The following PDE4D variants were observed in gnomAD, a reference collection of about 807,000 sequenced individuals.
PDE4D encodes the protein phosphodiesterase 4D, also known as 3',5'-cyclic-AMP phosphodiesterase 4D.
In PDE4D, 24 loss-of-function variants were observed where a neutral mutation model predicts 87.4. That is an observed-to-expected ratio of 0.27 (90% confidence interval 0.20 to 0.39). The LOEUF is 0.39. PDE4D is among the 10% of genes least tolerant of loss of function. The pLI is 1.00. For synonymous variants in PDE4D, 384 were observed against 383.2 expected, an observed-to-expected ratio of 1.00 and a Z score of -0.02; for missense variants, 714 against 1,041.0, an observed-to-expected ratio of 0.69 and a Z score of 4.32.
chr5:59,997,529 G>C (rs1763625265), intron 2 of PDE4D, among the ~76,000 whole-genome samples: 1 of 152,130 alleles, frequency 6.6e-6, no homozygotes, highest in South Asian at 2.1e-4. Context: ...ATGATAAACT[G>C]GGTATGTAAA....
At chr5:59,631,849 G>GGAGT (rs149729812) in intron 1 of PDE4D, among the ~76,000 whole-genome samples, 12 of 150,344 alleles carry the variant, frequency 8.0e-5, no homozygotes, top group South Asian at 2.1e-4. Context: ...GCTAGCTGCA[G>GGAGT]TTTTTTTTTC....
chr5:60,097,758 T>G (rs1205980876), intron 2 of PDE4D, among the ~76,000 whole-genome samples: 2 of 151,986 alleles, frequency 1.3e-5, no homozygotes, highest in African/African-American at 4.8e-5. Flanking sequence ...TGCATGTGTG[T>G]GAGTGTTAAA....
chr5:59,473,234 C>T lies in PDE4D; in HGVS notation c.456-257266G>A, dbSNP rs568880850. On this transcript the variant is annotated intron_variant, in intron 1 of 14. Coordinates refer to ENST00000340635, the MANE Select transcript of PDE4D (RefSeq NM_001104631.2). ...GTAAACCAAAATACTCTCATAGTTT[C>T]AACTATACTAATGCCTCTCAAATAT... Among the ~76,000 whole-genome samples, 12 of 152,154 alleles carry T rather than the reference C, an allele frequency of 7.9e-5. No homozygotes were observed. In the South Asian group the frequency reaches 2.3e-3, roughly 29 times the overall value.
chr5:59,097,141 G>A (rs1769876862), intron 5 of PDE4D, among the ~76,000 whole-genome samples: 1 of 152,136 alleles, frequency 6.6e-6, no homozygotes, highest in South Asian at 2.1e-4. Flanking sequence ...CAAATGACAA[G>A]GATTGTGATC....
intron 1 of PDE4D, among the ~76,000 whole-genome samples, chr5:59,702,407 T>A (rs1299380336): frequency 6.6e-6 from 1 of 152,130 alleles, no homozygotes; most frequent in Non-Finnish European, 1.5e-5. Flanking sequence ...ATTACAGGTG[T>A]GAGCCACTGC....
chr5:60,260,126 A>G (rs967003976), intron 1 of PDE4D, among the ~76,000 whole-genome samples: 1 of 151,772 alleles, frequency 6.6e-6, no homozygotes, highest in Non-Finnish European at 1.5e-5. Flanking sequence ...CCTCCCAACC[A>G]CCACCACCTA....
chr5:59,445,106 C>G (rs886731400), intron 1 of PDE4D, among the ~76,000 whole-genome samples: 1 of 152,114 alleles, frequency 6.6e-6, no homozygotes, highest in African/African-American at 2.4e-5. Flanking sequence ...ACTTACCTAC[C>G]AGGAACTATT....
rs377587676 is a variant in PDE4D at position 60,173,561 on chromosome 5, A to G, written c.42+11996T>C. Among the ~76,000 whole-genome samples the G allele has an allele frequency of 1.9e-4, 28 of 151,024 alleles. No homozygotes were observed. The South Asian group carries it at 5.2e-3, about 28-fold the overall frequency. On this transcript the variant is annotated intron_variant, in intron 2 of 16. Coordinates refer to the PDE4D transcript ENST00000502484. ...GAATGATGGCTGTAACAGAAATTAC[A>G]CACACACACACACACAATCAGATCC...
At chr5:59,851,794 G>C (rs762741639) in intron 1 of PDE4D, among the ~76,000 whole-genome samples, 45 of 151,910 alleles carry the variant, frequency 3.0e-4, no homozygotes, top group Non-Finnish European at 5.7e-4. Context: ...CAGAATGGCA[G>C]GTGGTCTCTA....
At chr5:59,575,654 T>C (rs1189204088) in intron 1 of PDE4D, among the ~76,000 whole-genome samples, 2 of 152,162 alleles carry the variant, frequency 1.3e-5, no homozygotes, top group South Asian at 2.1e-4. Context: ...ACATGGGCTA[T>C]ATCCTAAAAA....
intron 1 of PDE4D, among the ~76,000 whole-genome samples, chr5:59,569,365 A>G (rs1395781768): frequency 6.6e-6 from 1 of 152,236 alleles, no homozygotes; most frequent in East Asian, 1.9e-4. Flanking sequence ...GCATGGTTGC[A>G]TCTTTCAAGA....
At chr5:60,458,336 G>A (rs1328259602) in intron 1 of PDE4D, among the ~76,000 whole-genome samples, 1 of 137,700 alleles carries the variant, frequency 7.3e-6, no homozygotes, top group African/African-American at 2.8e-5. Flanking sequence ...GCAGTGAGCC[G>A]AGATGACACC....
intron 1 of PDE4D, among the ~76,000 whole-genome samples, chr5:60,275,677 G>C (rs1400764825): frequency 6.6e-6 from 1 of 151,662 alleles, no homozygotes. Context: ...TGTGTGCTTT[G>C]GGTTTAATTT....
At chr5:59,485,841 G>C (rs991360611) in intron 1 of PDE4D, among the ~76,000 whole-genome samples, 1 of 152,046 alleles carries the variant, frequency 6.6e-6, no homozygotes, top group Admixed American at 6.6e-5. Context: ...GCTCCCTGAC[G>C]TCAATTCAGA....
chr5:60,102,578 A>C (rs1245262641), intron 2 of PDE4D, among the ~76,000 whole-genome samples: 1 of 152,192 alleles, frequency 6.6e-6, no homozygotes, highest in Non-Finnish European at 1.5e-5. Context: ...TTAAGACCCC[A>C]GGACTGAGGT....
chr5:59,673,589 T>C (rs1747577841), intron 1 of PDE4D, among the ~76,000 whole-genome samples: 1 of 152,212 alleles, frequency 6.6e-6, no homozygotes, highest in Admixed American at 6.5e-5. Context: ...TACTCAGAAC[T>C]GCACTTGCAA....
intron 1 of PDE4D, among the ~76,000 whole-genome samples, chr5:60,421,733 T>C (rs1743119785): frequency 6.6e-6 from 1 of 152,076 alleles, no homozygotes; most frequent in African/African-American, 2.4e-5. Flanking sequence ...AGGATGGTAA[T>C]AACAAACTTC....
intron 5 of PDE4D, among the ~76,000 whole-genome samples, chr5:59,131,779 G>C (rs1407497254): frequency 6.6e-6 from 1 of 152,154 alleles, no homozygotes. Context: ...ATGTTAGTGT[G>C]TTCTGTTGAA....
intron 1 of PDE4D, among the ~76,000 whole-genome samples, chr5:59,660,187 G>A (rs886096641): frequency 5.3e-5 from 8 of 150,658 alleles, no homozygotes; most frequent in Non-Finnish European, 7.4e-5. Flanking sequence ...TCACTCTGTC[G>A]CCAAAATAAA....
Sources: allele counts gnomAD v4.1 joint callset (sites outside exome capture counted in the v4.1 genomes callset), GRCh38; gene constraint gnomAD v4.1.1; transcripts MANE v1.5; gene names NCBI Gene and HGNC (gene_info 2026-07-23, HGNC 2026-07-21).